The following RPS6KC1 variants were observed in gnomAD, a reference collection of about 807,000 sequenced individuals.
RPS6KC1 encodes ribosomal protein S6 kinase C1.
RPS6KC1 carries 54 observed loss-of-function variants against 103.8 expected under a neutral mutation model. The ratio of observed to expected loss-of-function variants is 0.52; its 90% confidence interval spans 0.42 to 0.65. RPS6KC1 has a LOEUF of 0.65. Among genes scored for constraint, RPS6KC1 ranks in the 30% least tolerant of loss-of-function variants. RPS6KC1 has a pLI of 0.00. For synonymous variants in RPS6KC1, 439 were observed against 438.7 expected, an observed-to-expected ratio of 1.00 and a Z score of -0.01; for missense variants, 1,151 against 1,253.8, an observed-to-expected ratio of 0.92 and a Z score of 1.24.
At chr1:213,433,683 T>G in the RPS6KC1 span, among the ~76,000 whole-genome samples, 1 of 152,240 alleles carries the variant, frequency 6.6e-6, no homozygotes, top group Admixed American at 6.5e-5. Context: ...TGGTGTATAG[T>G]GCCATCTCAT....
At chr1:213,852,187 T>G in the RPS6KC1 span, among the ~76,000 whole-genome samples, 1 of 152,164 alleles carries the variant, frequency 6.6e-6, no homozygotes, top group Non-Finnish European at 1.5e-5. Flanking sequence ...CTTCTGTGCT[T>G]AAAACCCTCT....
chr1:213,344,781 C>T, the RPS6KC1 span, among the ~76,000 whole-genome samples: 206 of 152,298 alleles, frequency 1.4e-3, 2 homozygotes, highest in African/African-American at 4.5e-3. Context: ...GTGATCCACC[C>T]GCCTCAGCCT....
At chr1:213,476,379 G>C in the RPS6KC1 span, among the ~76,000 whole-genome samples, 1 of 152,068 alleles carries the variant, frequency 6.6e-6, no homozygotes, top group Non-Finnish European at 1.5e-5. Flanking sequence ...ATTTAGTGAG[G>C]AGTTAAAGTC....
the RPS6KC1 span, among the ~76,000 whole-genome samples, chr1:213,723,029 A>C: frequency 6.6e-6 from 1 of 152,062 alleles, no homozygotes; most frequent in Non-Finnish European, 1.5e-5. Flanking sequence ...AAATACAAAA[A>C]ATTAGCCAGG....
intron 1 of RPS6KC1, among the ~76,000 whole-genome samples, chr1:213,056,213 A>T (rs953874177): frequency 6.6e-6 from 1 of 152,208 alleles, no homozygotes. Flanking sequence ...TTAAATTAAC[A>T]CATTTGTCAC....
chr1:213,311,468 T>C, the RPS6KC1 span, among the ~76,000 whole-genome samples: 16 of 152,148 alleles, frequency 1.1e-4, no homozygotes, highest in Non-Finnish European at 1.8e-4. Flanking sequence ...GGTTTACATA[T>C]ACAATTTCTG....
the RPS6KC1 span, among the ~76,000 whole-genome samples, chr1:213,848,770 A>G: frequency 6.6e-6 from 1 of 151,830 alleles, no homozygotes; most frequent in Non-Finnish European, 1.5e-5. Flanking sequence ...TTTCTTTTTG[A>G]TTTTTTTTAT....
chr1:213,696,142 A>T, the RPS6KC1 span, among the ~76,000 whole-genome samples: 3 of 152,134 alleles, frequency 2.0e-5, no homozygotes, highest in Admixed American at 1.3e-4. Context: ...GTTGACTGTC[A>T]CTTTAGTATG....
At chr1:213,696,270 C>T in the RPS6KC1 span, among the ~76,000 whole-genome samples, 395 of 152,134 alleles carry the variant, frequency 2.6e-3, 1 homozygote, top group Non-Finnish European at 3.9e-3. Context: ...GAGGCTGAGG[C>T]GGGCGGATCA....
At chr1:213,169,757 TTTTTTAAA>T (rs1221692753) in intron 7 of RPS6KC1, among the ~76,000 whole-genome samples, 4 of 151,630 alleles carry the variant, frequency 2.6e-5, no homozygotes, top group Non-Finnish European at 5.9e-5. Flanking sequence ...TTGTAAAAGT[TTTTTTAAA>T]TTTTTAAATT....
chr1:213,273,136 T>G lies in RPS6KC1; in HGVS notation c.*502T>G, dbSNP rs1180401903. 6.4e-6 allele frequency: 1 copy of G among 155,682 alleles called. No homozygotes were observed. The highest frequency in any genetic ancestry group is 1.4e-5 in the Non-Finnish European group (1 of 69,766). The allele number at this position is 155,682 out of a possible 1,614,324, so 9.6% of individuals were successfully genotyped here. On this transcript the variant is annotated 3_prime_UTR_variant, in exon 15 of 15. Transcript: ENST00000366960. ...GAAAAAAGAATATACACATAATTTC[T>G]GACGGAAAACCTGTACCCTGATGCT...
intron 4 of RPS6KC1, among the ~76,000 whole-genome samples, chr1:213,110,058 G>C (rs1263409672): frequency 6.6e-6 from 1 of 152,016 alleles, no homozygotes; most frequent in Non-Finnish European, 1.5e-5. Flanking sequence ...TGCTTCATTT[G>C]ATCCTTTTTT....
At chr1:213,130,979 C>A (rs1209731633) in intron 6 of RPS6KC1, among the ~76,000 whole-genome samples, 1 of 150,948 alleles carries the variant, frequency 6.6e-6, no homozygotes, top group Non-Finnish European at 1.5e-5. Flanking sequence ...TTGCTGTTAC[C>A]TTCTCAGTTT....
the RPS6KC1 span, among the ~76,000 whole-genome samples, chr1:213,624,030 A>G: frequency 6.6e-6 from 1 of 152,206 alleles, no homozygotes; most frequent in African/African-American, 2.4e-5. Flanking sequence ...TTGAGGTGTG[A>G]TGGTTCACTG....
chr1:213,569,488 C>T, the RPS6KC1 span, among the ~76,000 whole-genome samples: 4 of 152,146 alleles, frequency 2.6e-5, no homozygotes, highest in Non-Finnish European at 5.9e-5. Flanking sequence ...CAGCTGCATC[C>T]AGAACAGAAG....
chr1:213,834,959 G>C, the RPS6KC1 span, among the ~76,000 whole-genome samples: 1 of 152,188 alleles, frequency 6.6e-6, no homozygotes, highest in South Asian at 2.1e-4. Flanking sequence ...AGGTGGGGGA[G>C]AGGGAAATAG....
chr1:213,694,531 C>T, the RPS6KC1 span, among the ~76,000 whole-genome samples: 1 of 152,188 alleles, frequency 6.6e-6, no homozygotes, highest in African/African-American at 2.4e-5. Context: ...AAATATGACA[C>T]CACATGACAA....
rs139046781 is a variant in RPS6KC1 at position 213,077,193 on chromosome 1, C to T, written c.142-503C>T. On this transcript the variant is annotated intron_variant, in intron 2 of 14. Transcript: ENST00000366960. ...CCAGTTTATCCTTTTAGGCAAATAC[C>T]GAGTATGTACTTTTGTTTAAAAATT... 1.6e-3 allele frequency among the ~76,000 whole-genome samples: 244 copies of T among 152,178 alleles called. 6 individuals carry two copies. The East Asian group carries it at 0.041, about 25-fold the overall frequency.
At chr1:213,317,080 C>T in the RPS6KC1 span, among the ~76,000 whole-genome samples, 4 of 152,048 alleles carry the variant, frequency 2.6e-5, no homozygotes, top group Non-Finnish European at 4.4e-5. Flanking sequence ...GCGATAAAAT[C>T]GGAAGTATGT....
Sources: allele counts gnomAD v4.1 joint callset (sites outside exome capture counted in the v4.1 genomes callset), GRCh38; gene constraint gnomAD v4.1.1; transcripts MANE v1.5; gene names NCBI Gene and HGNC (gene_info 2026-07-23, HGNC 2026-07-21).